The following NKAIN2 variants were observed in gnomAD, a reference collection of about 807,000 sequenced individuals.
NKAIN2 encodes the protein sodium/potassium-transporting ATPase subunit beta-1-interacting protein 2.
In NKAIN2, 14 loss-of-function variants were observed where a neutral mutation model predicts 32.6. The ratio of observed to expected loss-of-function variants is 0.43; its 90% CI spans 0.28 to 0.67. The LOEUF (loss-of-function observed/expected upper bound fraction) is 0.67, where lower values mean the gene tolerates loss of function less well. Among genes scored for constraint, NKAIN2 ranks in the 30% least tolerant of loss-of-function variants. NKAIN2 has a pLI of 0.17. For synonymous variants in NKAIN2, 80 were observed against 87.2 expected, an observed-to-expected ratio of 0.92 and a Z score of 0.46; for missense variants, 198 against 258.3, an observed-to-expected ratio of 0.77 and a Z score of 1.60.
intron 3 of NKAIN2, among the ~76,000 whole-genome samples, chr6:124,436,471 A>G (rs929987435): frequency 3.3e-5 from 5 of 152,188 alleles, no homozygotes; most frequent in African/African-American, 1.2e-4. Flanking sequence ...TAATATCAAT[A>G]AGTGAGAATA....
intron 1 of NKAIN2, among the ~76,000 whole-genome samples, chr6:124,054,980 C>A (rs1582546298): frequency 6.6e-6 from 1 of 151,974 alleles, no homozygotes; most frequent in East Asian, 1.9e-4. Context: ...GGTAAATGAT[C>A]TTTGTTAATT....
At chr6:123,857,503 T>G (rs1443072604) in intron 1 of NKAIN2, among the ~76,000 whole-genome samples, 2 of 152,180 alleles carry the variant, frequency 1.3e-5, no homozygotes, top group Admixed American at 1.3e-4. Context: ...CCATAATAAT[T>G]GAAAATTTTT....
At chr6:123,820,978 G>A (rs1013503515) in intron 1 of NKAIN2, among the ~76,000 whole-genome samples, 12 of 152,068 alleles carry the variant, frequency 7.9e-5, no homozygotes, top group Non-Finnish European at 1.5e-4. Context: ...AAACCATAGC[G>A]GGGAAAACAC....
intron 4 of NKAIN2, among the ~76,000 whole-genome samples, chr6:124,673,534 T>C (rs1174714509): frequency 2.0e-5 from 3 of 152,078 alleles, no homozygotes; most frequent in Non-Finnish European, 2.9e-5. Flanking sequence ...TTGTCAACAC[T>C]TGTTATTTTC....
At chr6:124,646,772 G>A (rs1462025442) in intron 3 of NKAIN2, among the ~76,000 whole-genome samples, 1 of 152,034 alleles carries the variant, frequency 6.6e-6, no homozygotes, top group African/African-American at 2.4e-5. Flanking sequence ...CTAACATGGT[G>A]AAACCTCATC....
At chr6:123,945,594 G>T (rs563532583) in intron 1 of NKAIN2, among the ~76,000 whole-genome samples, 1 of 152,202 alleles carries the variant, frequency 6.6e-6, no homozygotes, top group East Asian at 1.9e-4. Context: ...GCTGAAGTCA[G>T]CTTGGCAGCT....
intron 3 of NKAIN2, among the ~76,000 whole-genome samples, chr6:124,484,015 T>G (rs189723341): frequency 1.3e-5 from 2 of 152,330 alleles, no homozygotes; most frequent in East Asian, 1.9e-4. Flanking sequence ...TCAGCAGAAC[T>G]ATGTCAGGAG....
chr6:123,843,032 A>G (rs756761680), intron 1 of NKAIN2, among the ~76,000 whole-genome samples: 1 of 152,184 alleles, frequency 6.6e-6, no homozygotes, highest in Admixed American at 6.5e-5. Context: ...GGGTGCTGGC[A>G]GGAATGAACC....
Position 123,803,922 on chromosome 6 carries a change from G to C in NKAIN2, c.-279G>C, listed in dbSNP as rs1326143336. Among the ~76,000 whole-genome samples, 2 of 148,524 alleles carry C rather than the reference G, an allele frequency of 1.3e-5. No individual in the cohort carries two copies. The highest frequency in any genetic ancestry group is 3.9e-4 in the East Asian group (2 of 5,076). On this transcript the variant is annotated 5_prime_UTR_variant, in exon 1 of 7. Coordinates refer to ENST00000368417, the MANE Select transcript of NKAIN2 (RefSeq NM_001040214.3). ...TGCCGCTGCTGCCCCTGCGGGCCCC[G>C]AGCGCGCCTCCGCAGGCGGCACTGC...
intron 3 of NKAIN2, among the ~76,000 whole-genome samples, chr6:124,466,044 A>C (rs1313175902): frequency 2.0e-5 from 3 of 152,098 alleles, no homozygotes; most frequent in Non-Finnish European, 4.4e-5. Context: ...CTTCTTTCAT[A>C]GGTTTAAAAT....
chr6:124,508,595 G>A (rs1204021304), intron 3 of NKAIN2, among the ~76,000 whole-genome samples: 5 of 151,968 alleles, frequency 3.3e-5, no homozygotes, highest in Middle Eastern at 3.4e-3. Context: ...TGCCCGCCTC[G>A]GCCTCCCAAA....
At chr6:124,418,297 G>A (rs1433204684) in intron 3 of NKAIN2, among the ~76,000 whole-genome samples, 2 of 152,052 alleles carry the variant, frequency 1.3e-5, no homozygotes, top group East Asian at 1.9e-4. Context: ...ATAAAGGAAT[G>A]ATTTGTCTAG....
At chr6:123,833,321 T>C (rs1774463814) in intron 1 of NKAIN2, among the ~76,000 whole-genome samples, 1 of 152,198 alleles carries the variant, frequency 6.6e-6, no homozygotes, top group African/African-American at 2.4e-5. Flanking sequence ...GGCAATACCA[T>C]ATTTTTTTGA....
intron 4 of NKAIN2, among the ~76,000 whole-genome samples, chr6:124,708,095 G>A (rs1775200963): frequency 6.7e-6 from 1 of 149,436 alleles, no homozygotes; most frequent in Admixed American, 6.7e-5. Context: ...TTATTATATA[G>A]GGAATCCTTT....
At chr6:123,810,156 T>C (rs1773399426) in intron 1 of NKAIN2, among the ~76,000 whole-genome samples, 2 of 152,084 alleles carry the variant, frequency 1.3e-5, no homozygotes, top group Non-Finnish European at 2.9e-5. Flanking sequence ...AGGGAGGAGA[T>C]GGAGGCCTTG....
chr6:124,350,195 T>C (rs75155835), intron 2 of NKAIN2, among the ~76,000 whole-genome samples: 2,271 of 152,284 alleles, frequency 0.015, 32 homozygotes, highest in Non-Finnish European at 0.023. Context: ...TCATTGTCAA[T>C]TATATCACAT....
intron 3 of NKAIN2, among the ~76,000 whole-genome samples, chr6:124,638,528 C>G (rs948207210): frequency 1.3e-5 from 2 of 151,912 alleles, no homozygotes; most frequent in Non-Finnish European, 2.9e-5. Flanking sequence ...GATTAATAAC[C>G]AAAATGTACA....
intron 1 of NKAIN2, among the ~76,000 whole-genome samples, chr6:124,143,773 A>G (rs1456401599): frequency 1.3e-5 from 2 of 152,338 alleles, no homozygotes; most frequent in African/African-American, 2.4e-5. Context: ...AATTATTTAT[A>G]AAAAATTCAT....
intron 2 of NKAIN2, 30 bp from the exon 3 acceptor site, chr6:124,355,237 A>G (rs1158716422): frequency 2.8e-6 from 4 of 1,405,166 alleles, no homozygotes; most frequent in Non-Finnish European, 4.0e-6. Flanking sequence ...CAAATTAATT[A>G]TACGTTATTT....
Sources: gnomAD v4.1 joint callset for allele counts (sites outside exome capture counted in the v4.1 genomes callset) on GRCh38, gnomAD v4.1.1 for gene constraint, MANE v1.5 for transcripts, NCBI Gene and HGNC (gene_info 2026-07-23, HGNC 2026-07-21) for gene names.